Variants in GABRG3 observed in about 807,000 individuals in gnomAD.
The protein encoded by GABRG3 is gamma-aminobutyric acid type A receptor subunit gamma3.
In GABRG3, 25 loss-of-function variants were observed where a neutral mutation model predicts 48.8. The ratio of observed to expected loss-of-function variants is 0.51; its 90% CI spans 0.37 to 0.72. The LOEUF (loss-of-function observed/expected upper bound fraction) is 0.72, where lower values mean the gene tolerates loss of function less well. GABRG3 is among the 30% of genes least tolerant of loss of function. The pLI is 0.00. For missense variants in GABRG3, 394 were observed against 577.9 expected, an observed-to-expected ratio of 0.68 and a Z score of 3.26; for synonymous variants, 227 against 217.6, an observed-to-expected ratio of 1.04 and a Z score of -0.38.
Position 27,442,880 on chromosome 15 carries a change from C to T in GABRG3, c.575-37770C>T, listed in dbSNP as rs916048634. ...ACTTCAAGAGGTCAGTGCATCAGCT[C>T]AGCAAGGCAGATCAGCTGCCCAATG... On this transcript the variant is annotated intron_variant, in intron 5 of 9. Coordinates refer to ENST00000615808, the MANE Select transcript of GABRG3 (RefSeq NM_033223.5). Among the ~76,000 whole-genome samples the T allele has an allele frequency of 5.3e-5, 8 of 152,306 alleles. No homozygotes were observed. In the South Asian group the frequency reaches 1.0e-3, roughly 20 times the overall value.
At chr15:27,493,946 AGGCTT>A (rs1443233446) in intron 6 of GABRG3, among the ~76,000 whole-genome samples, 1 of 152,194 alleles carries the variant, frequency 6.6e-6, no homozygotes, top group Non-Finnish European at 1.5e-5. Flanking sequence ...TGAGGGACTA[AGGCTT>A]GGCTCTCGAT....
intron 5 of GABRG3, among the ~76,000 whole-genome samples, chr15:27,468,640 TA>T (rs1889690629): frequency 6.6e-6 from 1 of 152,198 alleles, no homozygotes; most frequent in Admixed American, 6.5e-5. Context: ...CACACTGTAT[TA>T]CTCCTCACTG....
At chr15:27,327,796 G>C (rs1443929553) in intron 4 of GABRG3, among the ~76,000 whole-genome samples, 1 of 152,092 alleles carries the variant, frequency 6.6e-6, no homozygotes, top group Non-Finnish European at 1.5e-5. Context: ...TCACTGCCCC[G>C]GGGCACAGGG....
At chr15:27,361,223 G>A (rs1895013218) in intron 5 of GABRG3, among the ~76,000 whole-genome samples, 1 of 152,204 alleles carries the variant, frequency 6.6e-6, no homozygotes, top group South Asian at 2.1e-4. Context: ...TTGAGCTGGA[G>A]GATTTAGCAG....
intron 3 of GABRG3, among the ~76,000 whole-genome samples, chr15:27,286,560 A>AT: frequency 6.6e-6 from 1 of 151,768 alleles, no homozygotes; most frequent in East Asian, 1.9e-4. Flanking sequence ...TTAGAATTAA[A>AT]TCTTCCCAAT....
intron 6 of GABRG3, 152 bp downstream of exon 6, chr15:27,480,939 T>C: frequency 7.0e-7 from 1 of 1,418,732 alleles, no homozygotes; most frequent in Non-Finnish European, 9.2e-7. Context: ...AAACTATGTT[T>C]TCATGTTTTA....
intron 3 of GABRG3, among the ~76,000 whole-genome samples, chr15:27,128,435 A>G (rs1897859119): frequency 6.6e-6 from 1 of 152,166 alleles, no homozygotes; most frequent in Non-Finnish European, 1.5e-5. Flanking sequence ...CAGAAGGCTT[A>G]GTTTTGGGGA....
chr15:27,256,583 G>A (rs1890629439), intron 3 of GABRG3, among the ~76,000 whole-genome samples: 1 of 152,100 alleles, frequency 6.6e-6, no homozygotes, highest in South Asian at 2.1e-4. Flanking sequence ...TTCTGAGGAG[G>A]GTGGGAACTC....
At chr15:27,397,740 G>C (rs932482453) in intron 5 of GABRG3, among the ~76,000 whole-genome samples, 1 of 151,682 alleles carries the variant, frequency 6.6e-6, no homozygotes, top group Non-Finnish European at 1.5e-5. Flanking sequence ...TATTTTTCTT[G>C]GTGTTTATGG....
chr15:27,032,644 C>T (rs1896105309), intron 3 of GABRG3, among the ~76,000 whole-genome samples: 1 of 152,170 alleles, frequency 6.6e-6, no homozygotes, highest in Admixed American at 6.5e-5. Context: ...AGAACTCACT[C>T]ATTACCATGA....
At chr15:27,131,493 T>C (rs1227803451) in intron 3 of GABRG3, among the ~76,000 whole-genome samples, 1 of 152,016 alleles carries the variant, frequency 6.6e-6, no homozygotes, top group Non-Finnish European at 1.5e-5. Flanking sequence ...GTTTGTAGTT[T>C]TGTCTTCTTA....
At chr15:27,193,157 G>A (rs1888383174) in intron 3 of GABRG3, among the ~76,000 whole-genome samples, 1 of 152,218 alleles carries the variant, frequency 6.6e-6, no homozygotes, top group Non-Finnish European at 1.5e-5. Flanking sequence ...AGGCTGCTCA[G>A]GGGTCAGGGG....
At chr15:27,163,657 T>G (rs944682151) in intron 3 of GABRG3, among the ~76,000 whole-genome samples, 2 of 152,162 alleles carry the variant, frequency 1.3e-5, no homozygotes, top group Non-Finnish European at 2.9e-5. Flanking sequence ...AAGTCAGTGC[T>G]TCTCAGCATG....
chr15:27,477,046 A>G (rs954971863), intron 5 of GABRG3, among the ~76,000 whole-genome samples: 1 of 152,226 alleles, frequency 6.6e-6, no homozygotes, highest in Non-Finnish European at 1.5e-5. Flanking sequence ...GACTGTCAAC[A>G]AGTAATTATA....
chr15:27,507,753 A>C (rs1180733023), intron 6 of GABRG3, among the ~76,000 whole-genome samples: 3 of 152,152 alleles, frequency 2.0e-5, no homozygotes, highest in Non-Finnish European at 4.4e-5. Context: ...CTTAGAAAAG[A>C]TTATTAAATT....
intron 3 of GABRG3, among the ~76,000 whole-genome samples, chr15:27,310,107 A>G (rs1382051576): frequency 6.6e-6 from 1 of 152,078 alleles, no homozygotes; most frequent in African/African-American, 2.4e-5. Flanking sequence ...CTCCCTCCCA[A>G]CGAAAAGAAT....
rs1370306699 is a variant in GABRG3, at chr15:27,179,311, A to G, written c.271-147498A>G. Among the ~76,000 whole-genome samples, 1 of 152,198 alleles carries G rather than the reference A, an allele frequency of 6.6e-6. No homozygotes were observed. Among genetic ancestry groups the G allele is most frequent in the Non-Finnish European group, 1.5e-5 (1 of 68,026 alleles). ...AGGAGCAGCTGTAACAATTTCCCAC[A>G]TGTGGCCAATGCACTTTATCATATG... is the stretch of plus-strand genomic sequence containing the variant. On this transcript the variant is annotated intron_variant, in intron 3 of 9. Coordinates refer to ENST00000615808, the MANE Select transcript of GABRG3 (RefSeq NM_033223.5). This position sits in a 1 kb window ranked among gnomAD's most constrained non-coding sequence, Gnocchi z 4.0.
intron 3 of GABRG3, among the ~76,000 whole-genome samples, chr15:27,094,160 G>A (rs1897237075): frequency 6.6e-6 from 1 of 152,188 alleles, no homozygotes; most frequent in South Asian, 2.1e-4. Context: ...CCTGTCCTGG[G>A]TTCTGTGCCA....
chr15:27,342,622 G>A (rs1438762262), intron 5 of GABRG3, among the ~76,000 whole-genome samples: 2 of 152,246 alleles, frequency 1.3e-5, no homozygotes, highest in Non-Finnish European at 2.9e-5. Flanking sequence ...CGGGAAGGAT[G>A]CCTCTTTCAA....
Sources: gnomAD v4.1 joint callset for allele counts (sites outside exome capture counted in the v4.1 genomes callset) on GRCh38, gnomAD v4.1.1 for gene constraint, Gnocchi (gnomAD v3.1) non-coding constraint, MANE v1.5 for transcripts, NCBI Gene and HGNC (gene_info 2026-07-23, HGNC 2026-07-21) for gene names.